NF2: variants seen among roughly 807,000 people sequenced by gnomAD.
NF2 encodes NF2, moesin-ezrin-radixin like (MERLIN) tumor suppressor.
In NF2, 8 loss-of-function variants were observed where a neutral mutation model predicts 83.7. The ratio of observed to expected loss-of-function variants is 0.10; its 90% CI spans 0.06 to 0.17. The LOEUF (loss-of-function observed/expected upper bound fraction) is 0.17, where lower values mean the gene tolerates loss of function less well. Ranked by LOEUF, NF2 falls within the 10% of genes least tolerant of loss-of-function variation. NF2 has a pLI of 1.00. For missense variants in NF2, 533 were observed against 744.4 expected (o/e 0.72, Z 3.31); for synonymous variants, 266 against 269.6 (o/e 0.99, Z 0.13).
chr22:29,676,367 G>A (rs2066965557), intron 13 of NF2, among the ~76,000 whole-genome samples: 1 of 151,852 alleles, frequency 6.6e-6, no homozygotes, highest in Non-Finnish European at 1.5e-5. Flanking sequence ...GTAGGGACAG[G>A]GTTTTGCCAT....
chr22:29,670,256 C>G (rs529254121), intron 10 of NF2, among the ~76,000 whole-genome samples: 5 of 152,280 alleles, frequency 3.3e-5, no homozygotes, highest in African/African-American at 7.2e-5. Context: ...CTTCAGCCCC[C>G]CAAAGTGCTA....
chr22:29,670,332 GT>G (rs1258927105), intron 10 of NF2, among the ~76,000 whole-genome samples: 7 of 151,300 alleles, frequency 4.6e-5, no homozygotes, highest in African/African-American at 1.7e-4. Flanking sequence ...TTCTTTCTTA[GT>G]TTCTTTTTTT....
In NF2 at chr22:29,678,176, C is replaced by G. The variant is rs565129019; in HGVS notation, c.1447-20C>G. ...TGCTTGTATGACCCAAGCTCCTAAT[C>G]CGAAATTTCTCATTAACAGCCCATG... is the stretch of plus-strand genomic sequence containing the variant. On this transcript the variant is annotated intron_variant, in intron 13 of 15. Transcript: ENST00000338641. 14 of 1,613,576 alleles carry G rather than the reference C, an allele frequency of 8.7e-6. No individual in the cohort carries two copies. In the South Asian group the frequency reaches 1.4e-4, roughly 16 times the overall value.
intron 3 of NF2, among the ~76,000 whole-genome samples, chr22:29,641,487 G>A (rs1186986135): frequency 6.6e-6 from 1 of 152,082 alleles, no homozygotes; most frequent in Non-Finnish European, 1.5e-5. Flanking sequence ...TTATGAATCC[G>A]GTGACTGTTG....
At chr22:29,642,543 T>A (rs1162232816) in intron 4 of NF2, among the ~76,000 whole-genome samples, 1 of 152,156 alleles carries the variant, frequency 6.6e-6, no homozygotes, top group African/African-American at 2.4e-5. Flanking sequence ...GAATTAGAAT[T>A]CATTCTAAGT....
chr22:29,687,481 CAG>C (rs1172215497), intron 15 of NF2, among the ~76,000 whole-genome samples: 1 of 152,296 alleles, frequency 6.6e-6, no homozygotes, highest in Admixed American at 6.5e-5. Flanking sequence ...TGATAAATCA[CAG>C]AGAGAGATTG....
At chr22:29,681,957 C>T (rs1319769243) in intron 15 of NF2, among the ~76,000 whole-genome samples, 4 of 152,130 alleles carry the variant, frequency 2.6e-5, no homozygotes, top group Non-Finnish European at 5.9e-5. Flanking sequence ...GAAATGGAGG[C>T]TATTGAGAAT....
At position 29,646,201 on chromosome 22, in the gene NF2, G is replaced by A. The variant is rs114412377; in HGVS notation, c.447+3916G>A. On this transcript the variant is annotated intron_variant, in intron 4 of 15. Transcript: ENST00000338641. ...AGATGAGGAATTTAAGGCTCAGAAA[G>A]GGATTTGTGACTTGTGCAAACTCAC... 3.6e-3 allele frequency among the ~76,000 whole-genome samples: 548 copies of A among 152,304 alleles called. 5 individuals carry two copies. The highest frequency in any genetic ancestry group is 0.013 in the African/African-American group (522 of 41,558).
At chr22:29,665,193 C>A in intron 9 of NF2, 129 bp downstream of exon 9, 1 of 777,962 alleles carries the variant, frequency 1.3e-6, no homozygotes, top group Non-Finnish European at 2.2e-6. Flanking sequence ...CGCATACTTT[C>A]TGTTTAGCTT....
chr22:29,652,607 A>G (rs954714000), intron 4 of NF2, among the ~76,000 whole-genome samples: 3 of 152,190 alleles, frequency 2.0e-5, no homozygotes, highest in Non-Finnish European at 4.4e-5. Context: ...CCAGCCAAGC[A>G]TAGTTTTAAA....
At chr22:29,638,951 G>A (rs2065723019) in intron 2 of NF2, 139 bp from the exon 3 acceptor site, 15 of 1,278,710 alleles carry the variant, frequency 1.2e-5, no homozygotes, top group Admixed American at 1.9e-5. Flanking sequence ...ACTTCAAACT[G>A]TAAAATCACA....
chr22:29,664,527 A>G (rs768486617), intron 8 of NF2, among the ~76,000 whole-genome samples: 2 of 152,090 alleles, frequency 1.3e-5, no homozygotes, highest in Admixed American at 1.3e-4. Flanking sequence ...TCTCTTGCTT[A>G]TGGTGGATCT....
intron 1 of NF2, among the ~76,000 whole-genome samples, chr22:29,625,552 C>T (rs780320363): frequency 3.4e-4 from 52 of 152,194 alleles, no homozygotes; most frequent in Admixed American, 3.9e-4. Context: ...GACGAGGCTT[C>T]TCAATTCTTG....
chr22:29,678,724 G>A (rs989777236), intron 14 of NF2, among the ~76,000 whole-genome samples: 16 of 152,186 alleles, frequency 1.1e-4, no homozygotes, highest in African/African-American at 3.9e-4. Context: ...TGGTTCCCAT[G>A]TCTAGAACAA....
intron 15 of NF2, among the ~76,000 whole-genome samples, chr22:29,692,928 G>A (rs1486895821): frequency 6.6e-6 from 1 of 152,230 alleles, no homozygotes; most frequent in Non-Finnish European, 1.5e-5. Flanking sequence ...TGAGGCTAGA[G>A]GGGAGCAAGT....
At chr22:29,640,487 C>A (rs1601586283) in intron 3 of NF2, among the ~76,000 whole-genome samples, 1 of 152,246 alleles carries the variant, frequency 6.6e-6, no homozygotes, top group African/African-American at 2.4e-5. Flanking sequence ...AGGATGAAAA[C>A]CTTATCAGTT....
Position 29,636,946 on chromosome 22 carries a change from T to C in NF2, c.240+70T>C, listed in dbSNP as rs750196286. On this transcript the variant is annotated intron_variant, in intron 2 of 15. Coordinates refer to ENST00000338641, the MANE Select transcript of NF2 (RefSeq NM_000268.4). This position sits in a 1 kb window ranked among gnomAD's most constrained non-coding sequence, Gnocchi z 4.4. The stretch of plus-strand genomic sequence containing the variant: ...TCCAGTTTTTCCCTGAGCAGGCGCC[T>C]AGCTCATCACTGGGGCGCTGTAGCT... 5 of 1,607,342 alleles carry C rather than the reference T, an allele frequency of 3.1e-6. No individual in the cohort carries two copies. The highest frequency in any genetic ancestry group is 1.7e-5 in the Admixed American group (1 of 59,996).
intron 1 of NF2, among the ~76,000 whole-genome samples, chr22:29,622,469 C>A (rs2065238156): frequency 6.6e-6 from 1 of 151,968 alleles, no homozygotes; most frequent in Admixed American, 6.6e-5. Context: ...CTGTATTCAG[C>A]CTGGTGTCTT....
rs1232420256 is a variant in NF2, at chr22:29,679,626, G to C, written c.1574+1303G>C. Among the ~76,000 whole-genome samples the C allele has an allele frequency of 3.9e-5, 6 of 152,224 alleles. No homozygotes were observed. The East Asian group carries it at 1.2e-3, about 29-fold the overall frequency. ...TCATGCCTGTAATTCCAGCACTTTGGGAGTCCAAGGGGGGCAGATCTCTTG... is the reference window on the plus strand; with the variant it reads ...TCATGCCTGTAATTCCAGCACTTTGCGAGTCCAAGGGGGGCAGATCTCTTG... On this transcript the variant is annotated intron_variant, in intron 14 of 15. Transcript: ENST00000338641.
Sources: gnomAD v4.1 joint callset for allele counts (sites outside exome capture counted in the v4.1 genomes callset) on GRCh38, gnomAD v4.1.1 for gene constraint, Gnocchi (gnomAD v3.1) non-coding constraint, MANE v1.5 for transcripts, NCBI Gene and HGNC (gene_info 2026-07-23, HGNC 2026-07-21) for gene names.